HUWE1: variants seen among roughly 807,000 people sequenced by gnomAD.
The protein encoded by HUWE1 is HECT, UBA and WWE domain containing E3 ubiquitin protein ligase 1, also known as E3 ubiquitin-protein ligase HUWE1.
In HUWE1, 18 loss-of-function variants were observed where a neutral mutation model predicts 299.4. The ratio of observed to expected loss-of-function variants is 0.06; its 90% CI spans 0.04 to 0.09. The LOEUF (loss-of-function observed/expected upper bound fraction) is 0.09. Among genes scored for constraint, HUWE1 ranks in the 10% least tolerant of loss-of-function variants. The pLI, the probability that HUWE1 is intolerant of heterozygous loss-of-function variation, is 1.00. For synonymous variants in HUWE1, 1,317 were observed against 1,286.1 expected (o/e 1.02, Z -0.51); for missense variants, 1,832 against 3,462.3 (o/e 0.53, Z 11.82).
At chrX:53,663,716 A>G (rs916804513) in intron 3 of HUWE1, among the ~76,000 whole-genome samples, 1 of 111,138 alleles carries the variant, frequency 9.0e-6, no homozygotes, top group Non-Finnish European at 1.9e-5. Context: ...GTAATATAAT[A>G]AGCACTTATG....
chrX:53,589,540 A>G lies in HUWE1; in HGVS notation c.4461+7T>C. The G allele has an allele frequency of 1.7e-6, 2 of 1,209,957 alleles. No homozygotes were observed. The highest frequency in any genetic ancestry group is 2.2e-6 in the Non-Finnish European group (2 of 893,870). ...TACTCCCCTCTTCTGACCCCTTGAG[A>G]GCTCACCTGATTGACTACTTGCTTC... is the stretch of plus-strand genomic sequence containing the variant. On this transcript the variant is annotated splice_region_variant and intron_variant, in intron 36 of 83. Transcript: ENST00000262854.
intron 23 of HUWE1, among the ~76,000 whole-genome samples, chrX:53,609,803 A>G (rs2065347928): frequency 8.9e-6 from 1 of 112,184 alleles, no homozygotes; most frequent in South Asian, 3.7e-4. Context: ...GGAGAGGTAG[A>G]GGAAGAAGAC....
chrX:53,562,971 C>T (rs1556942621), intron 52 of HUWE1, 42 bp from the exon 53 acceptor site: 2 of 1,093,517 alleles, frequency 1.8e-6, no homozygotes, highest in Non-Finnish European at 2.5e-6. Context: ...CAACAGAGGA[C>T]TTCCCTTTCC....
intron 70 of HUWE1, among the ~76,000 whole-genome samples, chrX:53,545,521 T>C (rs1229432499): frequency 9.0e-6 from 1 of 111,597 alleles, no homozygotes; most frequent in Non-Finnish European, 1.9e-5. Flanking sequence ...CTTACCCAAT[T>C]TGCTAACCAA....
At position 53,537,544 on chromosome X, in the gene HUWE1, C is replaced by A. The variant is rs782699539; in HGVS notation, c.12137+12G>T. 8.3e-7 allele frequency: 1 copy of A among 1,210,244 alleles called. No individual in the cohort carries two copies. The highest frequency in any genetic ancestry group is 1.8e-5 in the South Asian group (1 of 56,662). ...CCCACCCGCCATCTTTTCTCCGTTC[C>A]TGGGCCCTTACAATCGATTCTTCAT... On this transcript the variant is annotated intron_variant, in intron 78 of 83. Transcript: ENST00000262854.
intron 54 of HUWE1, 68 bp from the exon 55 acceptor site, chrX:53,561,992 A>G: frequency 8.3e-7 from 1 of 1,210,748 alleles, no homozygotes. Flanking sequence ...TGCCATGGCC[A>G]CATGTGCACA....
chrX:53,649,903 T>C (rs1444026914), intron 4 of HUWE1, among the ~76,000 whole-genome samples: 1 of 112,326 alleles, frequency 8.9e-6, no homozygotes, highest in Non-Finnish European at 1.9e-5. Context: ...CAAGGCCCAG[T>C]AGCAAGCCAG....
chrX:53,682,779 C>A (rs886676693), intron 2 of HUWE1, among the ~76,000 whole-genome samples: 2 of 110,987 alleles, frequency 1.8e-5, no homozygotes, highest in Non-Finnish European at 3.8e-5. Flanking sequence ...AGGGGCGGTT[C>A]CCAGGCTTGC....
At chrX:53,561,965 G>A in intron 54 of HUWE1, 41 bp from the exon 55 acceptor site, 1 of 1,211,352 alleles carries the variant, frequency 8.3e-7, no homozygotes, top group Non-Finnish European at 1.1e-6. Flanking sequence ...TGGAGGTAAG[G>A]GTTTTCTGAA....
At position 53,563,985 on chromosome X, in the gene HUWE1, C is replaced by T. The variant is rs1461418842; in HGVS notation, c.7030-164G>A. On this transcript the variant is annotated intron_variant, in intron 51 of 83. Transcript: ENST00000262854. Reference sequence around the variant, plus strand: ...TCGGTGCTAATTAGCACAGAAACTACCACGTGCTACCAATCCACAACCAGA... The same window carrying T: ...TCGGTGCTAATTAGCACAGAAACTATCACGTGCTACCAATCCACAACCAGA... Among the ~76,000 whole-genome samples, 4 of 112,262 alleles carry T rather than the reference C, an allele frequency of 3.6e-5. No homozygotes were observed. In the East Asian group the frequency reaches 1.1e-3, roughly 31 times the overall value.
At chrX:53,631,074 A>G (rs1557022337) in intron 11 of HUWE1, 40 bp from the exon 12 acceptor site, 1 of 809,517 alleles carries the variant, frequency 1.2e-6, no homozygotes, top group African/African-American at 2.0e-5. Context: ...AACATCAATG[A>G]AAAAGGTGAA....
chrX:53,665,614 C>G (rs951824211), intron 3 of HUWE1, among the ~76,000 whole-genome samples: 2 of 112,281 alleles, frequency 1.8e-5, no homozygotes, highest in African/African-American at 6.5e-5. Context: ...CTTAGAGAAA[C>G]TGGCATCAGA....
chrX:53,582,975 A>G (rs1556969368), intron 42 of HUWE1, among the ~76,000 whole-genome samples: 2 of 111,894 alleles, frequency 1.8e-5, no homozygotes, highest in African/African-American at 6.5e-5. Flanking sequence ...CACCCAGACT[A>G]TTGTCTTAAC....
chrX:53,586,550 G>A lies in HUWE1; in HGVS notation c.4764C>T (p.Leu1588=), dbSNP rs782337705. ...QTPKWITPVL[L]LIDFYEKTAI... ...CTGTCTTTTCATAGAAATCAATCAG[G>A]AGCAACACTGGTGTGATCCACCTAA... Residue 1588 remains leucine (L), a synonymous_variant, in exon 39 of 84, where the codon CTC becomes CTT. Coordinates refer to ENST00000262854, the MANE Select transcript of HUWE1 (RefSeq NM_031407.7). 5.8e-6 allele frequency: 7 copies of A among 1,205,092 alleles called. No individual in the cohort carries two copies. Among genetic ancestry groups the A allele is most frequent in the Middle Eastern group, 2.3e-4 (1 of 4,335 alleles).
At chrX:53,560,088 T>C in intron 56 of HUWE1, 100 bp downstream of exon 56, 1 of 699,802 alleles carries the variant, frequency 1.4e-6, no homozygotes, top group Non-Finnish European at 2.2e-6. Flanking sequence ...GACAAGAACA[T>C]TAAGTGATGG....
At chrX:53,610,125 C>T (rs943610550) in intron 23 of HUWE1, among the ~76,000 whole-genome samples, 1 of 111,525 alleles carries the variant, frequency 9.0e-6, no homozygotes, top group Middle Eastern at 4.2e-3. Flanking sequence ...CTGCAGCATT[C>T]CATGTTACTT....
Position 53,601,038 on chromosome X carries a change from A to C in HUWE1, c.2972-729T>G, listed in dbSNP as rs1199387875. On this transcript the variant is annotated intron_variant, in intron 28 of 83. Transcript: ENST00000262854. ...AATTCTCATTTTGTCAGGTTTCTTTATAGTTTATTAATGTTATCCCATCCC... is the reference window on the plus strand; with the variant it reads ...AATTCTCATTTTGTCAGGTTTCTTTCTAGTTTATTAATGTTATCCCATCCC... 6.3e-5 allele frequency among the ~76,000 whole-genome samples: 7 copies of C among 111,807 alleles called. No individual in the cohort carries two copies. In the Admixed American group the frequency reaches 6.6e-4, roughly 11 times the overall value.
intron 3 of HUWE1, among the ~76,000 whole-genome samples, chrX:53,663,891 A>C (rs1557046532): frequency 9.1e-6 from 1 of 110,340 alleles, no homozygotes; most frequent in African/African-American, 3.3e-5. Flanking sequence ...AAAAAAAAAA[A>C]AAACCTGGGA....
rs2148818485 is a variant in HUWE1 at position 53,614,630 on chromosome X, G to T, written c.2165C>A (p.Ala722Glu). Residue 722 changes from alanine to glutamate, a missense_variant, in exon 23 of 84, where the codon GCA (alanine) becomes GAA (glutamate). Coordinates refer to ENST00000262854, the MANE Select transcript of HUWE1 (RefSeq NM_031407.7). The stretch of plus-strand genomic sequence containing the variant: ...CTCATCCTCACTAGAGGCTTCTTCT[G>T]CGGCATGATTAGACCTTGGGGGAGG... Reference protein sequence around the residue: ...TAPPPRSNHAAEEASSEDEEE... With the variant: ...TAPPPRSNHAEEEASSEDEEE... The T allele has an allele frequency of 1.7e-6, 2 of 1,208,946 alleles. No individual in the cohort carries two copies. Among genetic ancestry groups the T allele is most frequent in the Non-Finnish European group, 2.2e-6 (2 of 893,048 alleles).
Sources: allele counts gnomAD v4.1 joint callset (sites outside exome capture counted in the v4.1 genomes callset), GRCh38; gene constraint gnomAD v4.1.1; transcripts MANE v1.5; gene names NCBI Gene and HGNC (gene_info 2026-07-23, HGNC 2026-07-21).